The following ST6GALNAC3 variants were observed in gnomAD, a reference collection of about 807,000 sequenced individuals.
The protein encoded by ST6GALNAC3 is ST6 N-acetylgalactosaminide alpha-2,6-sialyltransferase 3.
ST6GALNAC3 carries 25 observed loss-of-function variants against 32.7 expected under a neutral mutation model. That is an observed-to-expected ratio of 0.76 (90% confidence interval 0.56 to 1.07). The LOEUF (loss-of-function observed/expected upper bound fraction) is 1.07, where lower values mean the gene tolerates loss of function less well. Ranked by LOEUF, ST6GALNAC3 falls within the 50% of genes least tolerant of loss-of-function variation. ST6GALNAC3 has a pLI of 0.00. For synonymous variants in ST6GALNAC3, 129 were observed against 133.1 expected (o/e 0.97, Z 0.21); for missense variants, 355 against 382.4 (o/e 0.93, Z 0.60).
rs182988829 is a variant in ST6GALNAC3, at chr1:76,135,056, C to T, written c.18+60172C>T. Among the ~76,000 whole-genome samples the T allele has an allele frequency of 2.0e-5, 3 of 151,886 alleles. 1 individual carries two copies. The South Asian group carries it at 6.2e-4, about 31-fold the overall frequency. Reference sequence around the variant, plus strand: ...ACTTGGAGGGCTGAGGCAGGAGAATCACTTGAACCCAGGAGGCAAAGGTTG... The same window carrying T: ...ACTTGGAGGGCTGAGGCAGGAGAATTACTTGAACCCAGGAGGCAAAGGTTG... On this transcript the variant is annotated intron_variant, in intron 1 of 4. Transcript: ENST00000328299.
intron 3 of ST6GALNAC3, among the ~76,000 whole-genome samples, chr1:76,420,358 T>G (rs1297653082): frequency 6.6e-6 from 1 of 152,084 alleles, no homozygotes; most frequent in African/African-American, 2.4e-5. Context: ...GATCCTAACT[T>G]TGTGATCCTG....
At chr1:76,337,849 G>T (rs1647631096) in intron 2 of ST6GALNAC3, among the ~76,000 whole-genome samples, 1 of 152,098 alleles carries the variant, frequency 6.6e-6, no homozygotes, top group Admixed American at 6.6e-5. Context: ...CTAGCACTGG[G>T]TCTGTGGCGA....
chr1:76,506,024 A>G (rs527947901), intron 3 of ST6GALNAC3, among the ~76,000 whole-genome samples: 6 of 142,086 alleles, frequency 4.2e-5, no homozygotes, highest in African/African-American at 1.8e-4. Context: ...GGCACTATAT[A>G]TGAAACATGG....
At chr1:76,356,929 A>G (rs11162130) in intron 2 of ST6GALNAC3, among the ~76,000 whole-genome samples, 30,923 of 151,958 alleles carry the variant, frequency 0.2, 3,693 homozygotes, top group Non-Finnish European at 0.27. Context: ...GCTAAAGTTG[A>G]TTCAAAGAGG....
intron 1 of ST6GALNAC3, among the ~76,000 whole-genome samples, chr1:76,137,256 A>T (rs1033281838): frequency 2.0e-5 from 3 of 152,128 alleles, no homozygotes; most frequent in African/African-American, 7.2e-5. Context: ...GGGACACCTG[A>T]GTGTTTGCAG....
intron 1 of ST6GALNAC3, among the ~76,000 whole-genome samples, chr1:76,211,851 G>A (rs1655186805): frequency 6.6e-6 from 1 of 151,856 alleles, no homozygotes; most frequent in African/African-American, 2.4e-5. Context: ...TGAGTTAATG[G>A]GTGCAGCACA....
At chr1:76,270,103 A>G (rs536695208) in intron 1 of ST6GALNAC3, among the ~76,000 whole-genome samples, 4 of 152,366 alleles carry the variant, frequency 2.6e-5, no homozygotes, top group African/African-American at 9.6e-5. Flanking sequence ...CTGAGAAAAA[A>G]TAAAGAATTC....
intron 3 of ST6GALNAC3, 81 bp from the exon 4 acceptor site, chr1:76,627,371 C>T (rs916718072): frequency 3.5e-5 from 31 of 881,522 alleles, no homozygotes; most frequent in South Asian, 2.5e-4. Flanking sequence ...AAATGTTGCT[C>T]GTTTCTCACA....
intron 3 of ST6GALNAC3, among the ~76,000 whole-genome samples, chr1:76,431,324 C>G (rs1378600692): frequency 1.3e-5 from 2 of 152,208 alleles, no homozygotes; most frequent in East Asian, 3.9e-4. Context: ...CTCCTCTGCC[C>G]TAAAGTGGGT....
chr1:76,412,352 C>T lies in ST6GALNAC3; in HGVS notation c.558C>T (p.Tyr186=), dbSNP rs781244671. ...GTATCTATCCGAATGCCCAAATATA[C>T]GTGACCACAGAGAAGCGCATGAGTT... is the stretch of plus-strand genomic sequence containing the variant. ...TVGIYPNAQI[Y]VTTEKRMSYC... is the part of the protein sequence containing the mutation. The change falls in exon 3 of 5, where the codon TAC becomes TAT. Residue 186 remains tyrosine (Y), a synonymous_variant. Coordinates refer to ENST00000328299, the MANE Select transcript of ST6GALNAC3 (RefSeq NM_152996.4). 1.1e-5 allele frequency: 17 copies of T among 1,613,114 alleles called. No individual in the cohort carries two copies. The highest frequency in any genetic ancestry group is 4.5e-5 in the East Asian group (2 of 44,848).
At chr1:76,440,639 C>G (rs1656509279) in intron 3 of ST6GALNAC3, among the ~76,000 whole-genome samples, 1 of 152,094 alleles carries the variant, frequency 6.6e-6, no homozygotes, top group African/African-American at 2.4e-5. Context: ...ACATTAGAGC[C>G]TCATAAACTA....
At chr1:76,308,091 A>G (rs867807628) in intron 1 of ST6GALNAC3, among the ~76,000 whole-genome samples, 5 of 152,146 alleles carry the variant, frequency 3.3e-5, no homozygotes, top group South Asian at 2.1e-4. Context: ...CATCAGATCT[A>G]TTTGGGCACA....
At chr1:76,496,551 C>A (rs1438302317) in intron 3 of ST6GALNAC3, among the ~76,000 whole-genome samples, 1 of 152,132 alleles carries the variant, frequency 6.6e-6, no homozygotes, top group Admixed American at 6.5e-5. Context: ...CCTGGACAGG[C>A]CCATGCTGTG....
At chr1:76,484,204 G>A (rs1425279214) in intron 3 of ST6GALNAC3, among the ~76,000 whole-genome samples, 18 of 152,122 alleles carry the variant, frequency 1.2e-4, no homozygotes, top group Admixed American at 1.1e-3. Context: ...TGGCAATGTG[G>A]GCTCTTTTTT....
chr1:76,339,192 C>T (rs776868784), intron 2 of ST6GALNAC3, among the ~76,000 whole-genome samples: 2 of 152,092 alleles, frequency 1.3e-5, no homozygotes, highest in South Asian at 2.1e-4. Context: ...CCTTTCATGG[C>T]GAAGGGGACT....
Position 76,630,011 on chromosome 1 carries a change from G to A in ST6GALNAC3, c.*1205G>A, listed in dbSNP as rs1286251100. ...AATAATAATGTTCTTAATGTCCAAA[G>A]TGCTTTGTCATTTAGAGTCCTTTAA... On this transcript the variant is annotated 3_prime_UTR_variant, in exon 5 of 5. Coordinates refer to ENST00000328299, the MANE Select transcript of ST6GALNAC3 (RefSeq NM_152996.4). 1.0e-6 allele frequency: 1 copy of A among 985,124 alleles called. No homozygotes were observed. The highest frequency in any genetic ancestry group is 1.2e-6 in the Non-Finnish European group (1 of 829,812). 61.0% of individuals were successfully genotyped at this position (985,124 alleles called of 1,614,324 possible). A position where few individuals can be genotyped will look rare whatever the true frequency, so the allele number is the denominator to read the frequency against.
chr1:76,482,278 A>G (rs915686858), intron 3 of ST6GALNAC3, among the ~76,000 whole-genome samples: 73 of 152,122 alleles, frequency 4.8e-4, no homozygotes, highest in African/African-American at 1.7e-3. Flanking sequence ...CAGAGTCATA[A>G]TTACTGTGTT....
chr1:76,326,110 T>A (rs1055578024), intron 2 of ST6GALNAC3, among the ~76,000 whole-genome samples: 2 of 152,178 alleles, frequency 1.3e-5, no homozygotes, highest in Non-Finnish European at 2.9e-5. Context: ...CCATCCAGGC[T>A]GAGATCGGCT....
intron 2 of ST6GALNAC3, among the ~76,000 whole-genome samples, chr1:76,363,629 A>G (rs1650138407): frequency 6.6e-6 from 1 of 152,198 alleles, no homozygotes; most frequent in Admixed American, 6.5e-5. Context: ...TTCTTGTGCT[A>G]CTATAAAGTA....
Sources: gnomAD v4.1 joint callset for allele counts (sites outside exome capture counted in the v4.1 genomes callset) on GRCh38, gnomAD v4.1.1 for gene constraint, MANE v1.5 for transcripts, NCBI Gene and HGNC (gene_info 2026-07-23, HGNC 2026-07-21) for gene names.